The following RAB2A variants were observed in gnomAD, a reference collection of about 807,000 sequenced individuals.
RAB2A encodes the protein ras-related protein Rab-2A.
A neutral mutation model predicts 32.5 loss-of-function variants in RAB2A; 7 were observed. The ratio of observed to expected loss-of-function variants is 0.22; its 90% CI spans 0.12 to 0.40. The LOEUF (loss-of-function observed/expected upper bound fraction) is 0.40. Among genes scored for constraint, RAB2A ranks in the 10% least tolerant of loss-of-function variants. The pLI, the probability that RAB2A is intolerant of heterozygous loss-of-function variation, is 1.00. For synonymous variants in RAB2A, 79 were observed against 85.2 expected (o/e 0.93, Z 0.40); for missense variants, 108 against 260.7 (o/e 0.41, Z 4.03).
intron 6 of RAB2A, among the ~76,000 whole-genome samples, chr8:60,598,090 C>G (rs940802232): frequency 6.6e-6 from 1 of 152,066 alleles, no homozygotes; most frequent in Non-Finnish European, 1.5e-5. Context: ...CCCGGCTACT[C>G]GGGAGGCTAA....
At chr8:60,618,711 A>G in intron 7 of RAB2A, 63 bp downstream of exon 7, 2 of 595,296 alleles carry the variant, frequency 3.4e-6, no homozygotes, top group Non-Finnish European at 4.7e-6. Context: ...TTACTATTTT[A>G]TATTTTTTAT....
At chr8:60,582,146 G>A (rs1357816477) in intron 3 of RAB2A, among the ~76,000 whole-genome samples, 16 of 151,682 alleles carry the variant, frequency 1.1e-4, no homozygotes, top group Non-Finnish European at 1.5e-5. Flanking sequence ...ATGGGGTCTC[G>A]CCATGTTAGC....
intron 1 of RAB2A, among the ~76,000 whole-genome samples, chr8:60,538,052 A>G (rs1024670498): frequency 6.6e-5 from 10 of 152,224 alleles, no homozygotes; most frequent in African/African-American, 2.4e-4. Context: ...TAAACTAGTG[A>G]GGAAAGTTCC....
intron 3 of RAB2A, among the ~76,000 whole-genome samples, chr8:60,573,168 A>C (rs1808221679): frequency 6.6e-6 from 1 of 152,254 alleles, no homozygotes; most frequent in Non-Finnish European, 1.5e-5. Flanking sequence ...CCACTGCTTT[A>C]GGGCATTAGG....
At chr8:60,603,357 T>TA (rs1443683166) in intron 6 of RAB2A, among the ~76,000 whole-genome samples, 6 of 152,236 alleles carry the variant, frequency 3.9e-5, no homozygotes, top group Admixed American at 1.3e-4. Context: ...GTTTAACTGT[T>TA]ACAGTTCCCT....
intron 2 of RAB2A, among the ~76,000 whole-genome samples, chr8:60,561,923 T>A (rs576467375): frequency 6.6e-6 from 1 of 152,150 alleles, no homozygotes; most frequent in East Asian, 1.9e-4. Flanking sequence ...CTACTCTGTT[T>A]ATAAACCATT....
At chr8:60,558,631 TA>T in intron 1 of RAB2A, 1 of 574,566 alleles carries the variant, frequency 1.7e-6, no homozygotes, top group Non-Finnish European at 3.1e-6. Context: ...ATTGAAATAT[TA>T]AATGTGTAAG....
At chr8:60,565,658 A>T (rs181848197) in intron 2 of RAB2A, among the ~76,000 whole-genome samples, 21 of 142,990 alleles carry the variant, frequency 1.5e-4, no homozygotes, top group Non-Finnish European at 2.4e-4. Context: ...TTAAGCTCTG[A>T]AAAAGTCTCT....
At chr8:60,562,863 AC>A (rs1808044935) in intron 2 of RAB2A, among the ~76,000 whole-genome samples, 1 of 152,158 alleles carries the variant, frequency 6.6e-6, no homozygotes, top group Non-Finnish European at 1.5e-5. Flanking sequence ...TTGCATATAT[AC>A]ATTGAAAGGG....
rs556723571 is a variant in RAB2A, at chr8:60,578,900, G to A, written c.187-5308G>A. Reference sequence around the variant, plus strand: ...CCTCACATGAAAGATGAAGGTGTAAGACTTCTTTTGCACAAATGTTCCGTG... The same window carrying A: ...CCTCACATGAAAGATGAAGGTGTAAAACTTCTTTTGCACAAATGTTCCGTG... On this transcript the variant is annotated intron_variant, in intron 3 of 7. Coordinates refer to ENST00000262646, the MANE Select transcript of RAB2A (RefSeq NM_002865.3). Among the ~76,000 whole-genome samples, 4 of 152,318 alleles carry A rather than the reference G, an allele frequency of 2.6e-5. No homozygotes were observed. The South Asian group carries it at 8.3e-4, about 32-fold the overall frequency.
chr8:60,588,127 T>A (rs202033998), intron 5 of RAB2A, among the ~76,000 whole-genome samples: 74 of 152,092 alleles, frequency 4.9e-4, no homozygotes, highest in African/African-American at 1.8e-3. Context: ...AGAAATTTTT[T>A]AAAAAAGTAG....
chr8:60,543,285 A>G (rs1807674663), intron 1 of RAB2A, among the ~76,000 whole-genome samples: 1 of 152,240 alleles, frequency 6.6e-6, no homozygotes, highest in Non-Finnish European at 1.5e-5. Flanking sequence ...AGAAGGCTCC[A>G]GGGAGAATCC....
At chr8:60,544,109 T>C (rs1451710927) in intron 1 of RAB2A, among the ~76,000 whole-genome samples, 1 of 124,198 alleles carries the variant, frequency 8.1e-6, no homozygotes, top group Non-Finnish European at 1.5e-5. Flanking sequence ...TTTTCAATTC[T>C]TTTTTTTTTT....
intron 1 of RAB2A, among the ~76,000 whole-genome samples, chr8:60,529,098 T>C (rs915852776): frequency 1.5e-4 from 23 of 152,246 alleles, no homozygotes; most frequent in African/African-American, 4.8e-4. Context: ...CTTTTTTTTT[T>C]CTTTGTCTTT....
At chr8:60,551,743 G>A (rs576416171) in intron 1 of RAB2A, among the ~76,000 whole-genome samples, 2 of 151,948 alleles carry the variant, frequency 1.3e-5, no homozygotes, top group African/African-American at 2.4e-5. Context: ...ACTCAGGCTC[G>A]AATACAATGG....
chr8:60,564,565 TACTC>T (rs1390838061), intron 2 of RAB2A, among the ~76,000 whole-genome samples: 3 of 152,150 alleles, frequency 2.0e-5, no homozygotes, highest in Non-Finnish European at 4.4e-5. Flanking sequence ...TCTAGCTACT[TACTC>T]AACATCTCCT....
In RAB2A at chr8:60,620,859, T is replaced by A; in HGVS notation, c.*90T>A. 1 of 1,058,288 alleles carries A rather than the reference T, an allele frequency of 9.4e-7. No homozygotes were observed. The highest frequency in any genetic ancestry group is 2.6e-5 in the East Asian group (1 of 38,600). The allele number at this position is 1,058,288 out of a possible 1,614,324, so 65.6% of individuals were successfully genotyped here. A position where few individuals can be genotyped will look rare whatever the true frequency, so the allele number is the denominator to read the frequency against. ...CTGCTCAGCTGAGACATGAAACTAT[T>A]TGAAATGGCTTTATGTCACAGAAGA... On this transcript the variant is annotated 3_prime_UTR_variant, in exon 8 of 8. Coordinates refer to ENST00000262646, the MANE Select transcript of RAB2A (RefSeq NM_002865.3).
At chr8:60,561,528 T>C (rs1808025826) in intron 2 of RAB2A, among the ~76,000 whole-genome samples, 1 of 152,212 alleles carries the variant, frequency 6.6e-6, no homozygotes, top group African/African-American at 2.4e-5. Flanking sequence ...TCTCCCATTC[T>C]CTTCTCATGC....
chr8:60,526,427 C>T (rs565232663), intron 1 of RAB2A, among the ~76,000 whole-genome samples: 8 of 152,218 alleles, frequency 5.3e-5, no homozygotes, highest in African/African-American at 1.9e-4. Context: ...TTGGGCCATC[C>T]CAAGTCTCTC....
Sources: allele counts gnomAD v4.1 joint callset (sites outside exome capture counted in the v4.1 genomes callset), GRCh38; gene constraint gnomAD v4.1.1; transcripts MANE v1.5; gene names NCBI Gene and HGNC (gene_info 2026-07-23, HGNC 2026-07-21).